ADAMTS19: variants seen among roughly 807,000 people sequenced by gnomAD.
ADAMTS19 encodes the protein A disintegrin and metalloproteinase with thrombospondin motifs 19.
A neutral mutation model predicts 153.3 loss-of-function variants in ADAMTS19; 93 were observed. That is an observed-to-expected ratio of 0.61 (90% CI 0.51 to 0.72). The LOEUF (loss-of-function observed/expected upper bound fraction) is 0.72, where lower values mean the gene tolerates loss of function less well. ADAMTS19 is among the 30% of genes least tolerant of loss of function. The pLI is 0.00. For synonymous variants in ADAMTS19, 600 were observed against 556.6 expected (o/e 1.08, Z -1.10); for missense variants, 1,482 against 1,552.1 (o/e 0.95, Z 0.76).
intron 11 of ADAMTS19, among the ~76,000 whole-genome samples, chr5:129,643,623 A>G (rs568438796): frequency 4.7e-4 from 71 of 152,226 alleles, no homozygotes; most frequent in African/African-American, 1.7e-3. Context: ...AATCCAAACT[A>G]TTTTTGAAAA....
chr5:129,571,420 T>A (rs1581098032), intron 7 of ADAMTS19, among the ~76,000 whole-genome samples: 1 of 151,754 alleles, frequency 6.6e-6, no homozygotes, highest in East Asian at 1.9e-4. Flanking sequence ...TGTGTGTGTG[T>A]AATCAGAGCT....
intron 18 of ADAMTS19, among the ~76,000 whole-genome samples, chr5:129,684,659 C>T (rs1375193066): frequency 6.6e-6 from 1 of 152,160 alleles, no homozygotes; most frequent in African/African-American, 2.4e-5. Context: ...CCAAAGTACA[C>T]CTGCCCACAA....
rs144400345 is a variant in ADAMTS19 at position 129,621,528 on chromosome 5, A to G, written c.1620-670A>G. 3.1e-3 allele frequency among the ~76,000 whole-genome samples: 476 copies of G among 152,304 alleles called. 8 individuals are homozygous for G. Among genetic ancestry groups the G allele is most frequent in the Middle Eastern group, 0.017 (5 of 294 alleles). Reference sequence around the variant, plus strand: ...TTTCTATTAAATGGCTATATGTACAATATATTCTGTGCATGCTGTTTGTCA... The same window carrying G: ...TTTCTATTAAATGGCTATATGTACAGTATATTCTGTGCATGCTGTTTGTCA... On this transcript the variant is annotated intron_variant, in intron 9 of 22. Coordinates refer to ENST00000274487, the MANE Select transcript of ADAMTS19 (RefSeq NM_133638.6).
intron 7 of ADAMTS19, among the ~76,000 whole-genome samples, chr5:129,558,712 G>A (rs1753398798): frequency 6.6e-6 from 1 of 152,014 alleles, no homozygotes; most frequent in South Asian, 2.1e-4. Context: ...AAGAATATGG[G>A]AAGGAAGGAA....
At chr5:129,735,700 A>G (rs545538894) in intron 22 of ADAMTS19, among the ~76,000 whole-genome samples, 3 of 152,184 alleles carry the variant, frequency 2.0e-5, no homozygotes, top group East Asian at 1.9e-4. Flanking sequence ...GCCTTCATAT[A>G]TATATCCTCA....
intron 7 of ADAMTS19, among the ~76,000 whole-genome samples, chr5:129,594,439 CA>C (rs145450295): frequency 2.5e-3 from 380 of 152,168 alleles, no homozygotes; most frequent in Non-Finnish European, 4.6e-3. Flanking sequence ...TTGTACCAAT[CA>C]ATGGTAGCAG....
At chr5:129,528,284 C>T (rs1400095040) in intron 5 of ADAMTS19, among the ~76,000 whole-genome samples, 1 of 151,812 alleles carries the variant, frequency 6.6e-6, no homozygotes, top group Non-Finnish European at 1.5e-5. Flanking sequence ...TTAATTGAAC[C>T]TCTTTGCTTT....
At chr5:129,551,513 T>A (rs530606636) in intron 6 of ADAMTS19, among the ~76,000 whole-genome samples, 1 of 151,710 alleles carries the variant, frequency 6.6e-6, no homozygotes, top group South Asian at 2.1e-4. Context: ...ATAAAGTAGG[T>A]ATCTTCCAGT....
intron 2 of ADAMTS19, among the ~76,000 whole-genome samples, chr5:129,462,322 G>T (rs964500703): frequency 6.6e-6 from 1 of 152,176 alleles, no homozygotes; most frequent in Non-Finnish European, 1.5e-5. Flanking sequence ...AAGGAGTTGG[G>T]AGGGACTCAA....
rs1749649561 is a variant in ADAMTS19, at chr5:129,461,377, C to G, written c.367C>G (p.Leu123Val). Residue 123 changes from leucine to valine, a missense_variant, in exon 2 of 23, where the codon CTC becomes GTC. Leu to Val is a conservative substitution (Grantham distance 32). Coordinates refer to ENST00000274487, the MANE Select transcript of ADAMTS19 (RefSeq NM_133638.6). This position sits in a 1 kb window ranked among gnomAD's most constrained non-coding sequence, Gnocchi z 4.6. The stretch of plus-strand genomic sequence containing the variant: ...GTCGGAGGGTGAGGAGGACGAGGAG[C>G]TCGAGTCGCAGGAGCTGCCGCGGGG... ...PPSEGEEDEE[L>V]ESQELPRGSS... 3.4e-5 allele frequency: 46 copies of G among 1,348,472 alleles called. No homozygotes were observed. The highest frequency in any genetic ancestry group is 4.3e-5 in the Non-Finnish European group (46 of 1,060,942). 83.5% of individuals were successfully genotyped at this position (1,348,472 alleles called of 1,614,324 possible).
At chr5:129,653,420 G>A (rs373893544) in intron 13 of ADAMTS19, among the ~76,000 whole-genome samples, 3 of 152,108 alleles carry the variant, frequency 2.0e-5, no homozygotes, top group Non-Finnish European at 2.9e-5. Context: ...TAAAAATATC[G>A]TGCCACTTTC....
intron 7 of ADAMTS19, among the ~76,000 whole-genome samples, chr5:129,556,074 G>A (rs188842176): frequency 8.1e-4 from 123 of 152,194 alleles, no homozygotes; most frequent in African/African-American, 2.7e-3. Context: ...TATTTGAAAA[G>A]CTACATGGGG....
intron 22 of ADAMTS19, among the ~76,000 whole-genome samples, 200 bp from the exon 23 acceptor site, chr5:129,736,866 TA>T (rs930289367): frequency 4.6e-5 from 7 of 152,094 alleles, no homozygotes; most frequent in African/African-American, 1.7e-4. Context: ...CATTTATAAG[TA>T]AAAATATTAT....
intron 15 of ADAMTS19, among the ~76,000 whole-genome samples, chr5:129,661,882 C>T (rs528872672): frequency 1.3e-5 from 2 of 152,164 alleles, no homozygotes; most frequent in African/African-American, 4.8e-5. Flanking sequence ...CCACAGCAGT[C>T]GGGGAGTCAT....
intron 21 of ADAMTS19, among the ~76,000 whole-genome samples, chr5:129,720,148 G>GTATATATATATATATATA (rs35948614): frequency 1.4e-5 from 2 of 143,198 alleles, no homozygotes; most frequent in African/African-American, 5.2e-5. Context: ...ATGTGTGTAT[G>GTATATATATATATATATA]TATATATATA....
At chr5:129,598,462 A>C (rs1357615826) in intron 8 of ADAMTS19, among the ~76,000 whole-genome samples, 1 of 152,232 alleles carries the variant, frequency 6.6e-6, no homozygotes, top group Non-Finnish European at 1.5e-5. Context: ...TATTCAAGTA[A>C]ACACAAGTGA....
intron 16 of ADAMTS19, among the ~76,000 whole-genome samples, chr5:129,678,102 CACACCGGCCGTT>C (rs1754630737): frequency 6.6e-6 from 1 of 152,064 alleles, no homozygotes; most frequent in African/African-American, 2.4e-5. Context: ...TGTGAGCCAC[CACACCGGCCGTT>C]ACATTTTTTT....
At position 129,655,520 on chromosome 5, in the gene ADAMTS19, C is replaced by T. The variant is rs148322113; in HGVS notation, c.2304+1087C>T. ...AAATCACTTAAAATATATTTGCATG[C>T]ATGAACTAATCTGTAAAACAAAGTT... On this transcript the variant is annotated intron_variant, in intron 14 of 22. Coordinates refer to ENST00000274487, the MANE Select transcript of ADAMTS19 (RefSeq NM_133638.6). Among the ~76,000 whole-genome samples, 55 of 152,276 alleles carry T rather than the reference C, an allele frequency of 3.6e-4. No individual in the cohort carries two copies. In the East Asian group the frequency reaches 9.3e-3, roughly 26 times the overall value.
At chr5:129,665,450 G>A in intron 15 of ADAMTS19, 49 bp from the exon 16 acceptor site, 1 of 1,434,688 alleles carries the variant, frequency 7.0e-7, no homozygotes, top group African/African-American at 1.4e-5. Context: ...GAAGAAAAGA[G>A]ATTTTGAAGG....
Sources: gnomAD v4.1 joint callset for allele counts (sites outside exome capture counted in the v4.1 genomes callset) on GRCh38, gnomAD v4.1.1 for gene constraint, Gnocchi (gnomAD v3.1) non-coding constraint, MANE v1.5 for transcripts, NCBI Gene and HGNC (gene_info 2026-07-23, HGNC 2026-07-21) for gene names.